ETFA: variants seen among roughly 807,000 people sequenced by gnomAD.
The protein encoded by ETFA is electron transfer flavoprotein subunit alpha, also known as electron transfer flavoprotein subunit alpha, mitochondrial.
Under a neutral mutation model 46.2 loss-of-function variants are expected in ETFA, and 22 were observed. The ratio of observed to expected loss-of-function variants is 0.48; its 90% CI spans 0.34 to 0.68. The LOEUF (loss-of-function observed/expected upper bound fraction) is 0.68, where lower values mean the gene tolerates loss of function less well. Ranked by LOEUF, ETFA falls within the 30% of genes least tolerant of loss-of-function variation. The probability of loss-of-function intolerance (pLI) is 0.01; values close to 1 mark genes in which losing one functional copy is unlikely to be tolerated. For synonymous variants in ETFA, 131 were observed against 139.9 expected, an observed-to-expected ratio of 0.94 and a Z score of 0.45; for missense variants, 345 against 401.1, an observed-to-expected ratio of 0.86 and a Z score of 1.19.
At chr15:76,262,734 G>A (rs760674319) in intron 9 of ETFA, among the ~76,000 whole-genome samples, 33 of 151,956 alleles carry the variant, frequency 2.2e-4, no homozygotes, top group Middle Eastern at 6.8e-3. Flanking sequence ...TGCCCACCTC[G>A]GCCTCCCAAA....
At chr15:76,220,647 G>C (rs2038947971) in intron 11 of ETFA, among the ~76,000 whole-genome samples, 1 of 152,070 alleles carries the variant, frequency 6.6e-6, no homozygotes, top group South Asian at 2.1e-4. Context: ...AAAAGATAAT[G>C]TGATTTAAAA....
chr15:76,303,595 T>C (rs2039904490), intron 1 of ETFA, among the ~76,000 whole-genome samples: 1 of 152,134 alleles, frequency 6.6e-6, no homozygotes, highest in Non-Finnish European at 1.5e-5. Flanking sequence ...AACCAGAATC[T>C]ATAAGGAACT....
chr15:76,291,507 T>G (rs983773824), intron 4 of ETFA, among the ~76,000 whole-genome samples: 38 of 148,366 alleles, frequency 2.6e-4, no homozygotes, highest in Non-Finnish European at 4.7e-4. Flanking sequence ...TCCCAGTACT[T>G]TGGGGGGCCG....
intron 10 of ETFA, chr15:76,230,661 G>A (rs1185174274): frequency 6.6e-6 from 1 of 151,460 alleles, no homozygotes; most frequent in Non-Finnish European, 1.5e-5. Context: ...GTGTTAGCCA[G>A]AATGGTCTCG....
rs143583819 is a variant in ETFA at position 76,246,559 on chromosome 15, C to T, written c.817-15161G>A. Among the ~76,000 whole-genome samples, 122 of 152,174 alleles carry T rather than the reference C, an allele frequency of 8.0e-4. 1 individual carries two copies. Among genetic ancestry groups the T allele is most frequent in the African/African-American group, 2.7e-3 (113 of 41,528 alleles). On this transcript the variant is annotated intron_variant, in intron 9 of 11. Coordinates refer to ENST00000557943, the MANE Select transcript of ETFA (RefSeq NM_000126.4). ...ATAAGAAAAGAAAATTGGTTGGGCA[C>T]GGTGGCTCACACCTGTAATCCCAGC...
intron 9 of ETFA, among the ~76,000 whole-genome samples, chr15:76,253,793 G>A (rs756420662): frequency 4.6e-5 from 7 of 152,164 alleles, no homozygotes; most frequent in Non-Finnish European, 1.0e-4. Context: ...GCATTATTAA[G>A]TAGCATTAAT....
Position 76,275,292 on chromosome 15 carries a change from T to C in ETFA, c.734-798A>G, listed in dbSNP as rs577793434. On this transcript the variant is annotated intron_variant, in intron 8 of 11. Transcript: ENST00000557943. ...GAGCCCAATATCAGCGAAACTTAAG[T>C]TATATTAAGTTTTATTAAAATGTAA... Among the ~76,000 whole-genome samples the C allele has an allele frequency of 3.1e-3, 465 of 152,310 alleles. 1 individual carries two copies. The highest frequency in any genetic ancestry group is 0.011 in the African/African-American group (451 of 41,574).
chr15:76,304,577 T>A (rs1314159266), intron 1 of ETFA, among the ~76,000 whole-genome samples: 1 of 150,148 alleles, frequency 6.7e-6, no homozygotes, highest in Non-Finnish European at 1.5e-5. Flanking sequence ...GATGGAAGGA[T>A]CATTTAAGCC....
At chr15:76,308,557 G>A (rs2039959140) in intron 1 of ETFA, among the ~76,000 whole-genome samples, 1 of 151,746 alleles carries the variant, frequency 6.6e-6, no homozygotes, top group Non-Finnish European at 1.5e-5. Context: ...TTGAGTGACA[G>A]TCTGGAAAAT....
intron 9 of ETFA, among the ~76,000 whole-genome samples, chr15:76,253,948 C>G (rs1252275466): frequency 6.6e-6 from 1 of 152,208 alleles, no homozygotes; most frequent in Non-Finnish European, 1.5e-5. Context: ...CTGCTGAGAA[C>G]AACTACAAAA....
At chr15:76,298,291 G>A (rs1401627520) in intron 1 of ETFA, among the ~76,000 whole-genome samples, 3 of 152,144 alleles carry the variant, frequency 2.0e-5, no homozygotes, top group African/African-American at 7.2e-5. Context: ...TGATCTGCCT[G>A]CCTCAGCCTC....
At chr15:76,274,860 A>C (rs1208847040) in intron 8 of ETFA, among the ~76,000 whole-genome samples, 2 of 152,210 alleles carry the variant, frequency 1.3e-5, no homozygotes, top group Non-Finnish European at 2.9e-5. Context: ...TAACAAGATG[A>C]AGGTTTAACC....
At chr15:76,223,216 C>CTT (rs3065601) in intron 11 of ETFA, among the ~76,000 whole-genome samples, 48,908 of 121,888 alleles carry the variant, frequency 0.4, 12,598 homozygotes, top group Middle Eastern at 0.54. Flanking sequence ...TACTTCAGAA[C>CTT]TTTTTTTTTT....
intron 1 of ETFA, among the ~76,000 whole-genome samples, chr15:76,301,634 C>G (rs2141551774): frequency 6.6e-6 from 1 of 152,020 alleles, no homozygotes; most frequent in South Asian, 2.1e-4. Flanking sequence ...CACTTGAACC[C>G]TGGAGGTGGA....
At chr15:76,297,723 AAAG>A (rs1296213392) in intron 1 of ETFA, among the ~76,000 whole-genome samples, 3 of 152,206 alleles carry the variant, frequency 2.0e-5, no homozygotes, top group African/African-American at 7.2e-5. Context: ...ATAAACAACA[AAAG>A]AACATATTTA....
chr15:76,279,454 G>A (rs944405977), intron 8 of ETFA, among the ~76,000 whole-genome samples: 1 of 152,008 alleles, frequency 6.6e-6, no homozygotes, highest in Non-Finnish European at 1.5e-5. Context: ...TTCTGATATT[G>A]TTTGTAGAGA....
chr15:76,238,015 A>G (rs961742030), intron 9 of ETFA, among the ~76,000 whole-genome samples: 2 of 152,208 alleles, frequency 1.3e-5, no homozygotes, highest in Non-Finnish European at 2.9e-5. Context: ...ATCTTTGTGC[A>G]AGGATACATA....
intron 9 of ETFA, among the ~76,000 whole-genome samples, chr15:76,262,474 C>CGT (rs1288079854): frequency 1.2e-5 from 1 of 84,688 alleles, no homozygotes; most frequent in Non-Finnish European, 2.2e-5. Flanking sequence ...ATCAAACCCC[C>CGT]TTTTTTTTTT....
chr15:76,243,820 C>A (rs58995329), intron 9 of ETFA, among the ~76,000 whole-genome samples: 36,063 of 117,430 alleles, frequency 0.31, 5,247 homozygotes, highest in East Asian at 0.64. Context: ...AACAAACAAA[C>A]AAAAAAAAAA....
Sources: allele counts gnomAD v4.1 joint callset (sites outside exome capture counted in the v4.1 genomes callset), GRCh38; gene constraint gnomAD v4.1.1; transcripts MANE v1.5; gene names NCBI Gene and HGNC (gene_info 2026-07-23, HGNC 2026-07-21).